The following OPCML variants were observed in gnomAD, a reference collection of about 807,000 sequenced individuals.
The protein encoded by OPCML is opioid binding protein/cell adhesion molecule like.
Under a neutral mutation model 37.8 loss-of-function variants are expected in OPCML, and 13 were observed. The observed-to-expected ratio is 0.34, with a 90% CI of 0.22 to 0.55. OPCML has a LOEUF of 0.55. Among genes scored for constraint, OPCML ranks in the 20% least tolerant of loss-of-function variants. The pLI is 0.91. For missense variants in OPCML, 341 were observed against 435.6 expected, an observed-to-expected ratio of 0.78 and a Z score of 1.93; for synonymous variants, 176 against 168.8, an observed-to-expected ratio of 1.04 and a Z score of -0.33.
chr11:133,430,650 A>G (rs1430044382), intron 1 of OPCML, among the ~76,000 whole-genome samples: 5 of 152,222 alleles, frequency 3.3e-5, no homozygotes, highest in Non-Finnish European at 7.3e-5. Flanking sequence ...ATTATACAAT[A>G]CTACCGTCCA....
At chr11:133,229,608 G>A (rs1056005514) in intron 1 of OPCML, among the ~76,000 whole-genome samples, 10 of 151,914 alleles carry the variant, frequency 6.6e-5, no homozygotes, top group African/African-American at 2.2e-4. Context: ...AAAAAAAATT[G>A]TATGCTGAGG....
At chr11:132,504,814 G>T (rs1167860500) in intron 4 of OPCML, among the ~76,000 whole-genome samples, 1 of 152,102 alleles carries the variant, frequency 6.6e-6, no homozygotes, top group Non-Finnish European at 1.5e-5. Context: ...ATGCAGACCA[G>T]CACTGATGCA....
chr11:133,166,240 A>G (rs1203055167), intron 1 of OPCML, among the ~76,000 whole-genome samples: 1 of 152,218 alleles, frequency 6.6e-6, no homozygotes, highest in Non-Finnish European at 1.5e-5. Flanking sequence ...ATAAATTCTT[A>G]ATAGTAACTA....
chr11:133,520,006 A>G (rs1020108960), intron 1 of OPCML, among the ~76,000 whole-genome samples: 2 of 152,208 alleles, frequency 1.3e-5, no homozygotes, highest in African/African-American at 4.8e-5. Context: ...AGTGAGGCTC[A>G]GAGACCTTTA....
At chr11:133,156,937 A>AC (rs1296425089) in intron 1 of OPCML, among the ~76,000 whole-genome samples, 2 of 151,580 alleles carry the variant, frequency 1.3e-5, no homozygotes, top group East Asian at 1.9e-4. Context: ...TGCCTCTCAA[A>AC]CCCCCTCAGC....
intron 2 of OPCML, among the ~76,000 whole-genome samples, chr11:132,775,982 A>C (rs1358220281): frequency 6.6e-6 from 1 of 152,166 alleles, no homozygotes; most frequent in Non-Finnish European, 1.5e-5. Flanking sequence ...CCCAGGCTGG[A>C]GTGCAGTGGT....
chr11:132,980,657 C>G (rs1361353826), intron 1 of OPCML, among the ~76,000 whole-genome samples: 1 of 152,104 alleles, frequency 6.6e-6, no homozygotes, highest in South Asian at 2.1e-4. Context: ...CAAGGATGTA[C>G]GTTTCCATCT....
intron 2 of OPCML, among the ~76,000 whole-genome samples, chr11:132,871,784 G>A (rs1487235012): frequency 5.9e-5 from 9 of 152,228 alleles, no homozygotes; most frequent in Non-Finnish European, 1.0e-4. Context: ...CAGCTTTGCA[G>A]AATATTCCAG....
intron 3 of OPCML, among the ~76,000 whole-genome samples, chr11:132,604,405 T>G (rs74417371): frequency 0.081 from 12,249 of 152,078 alleles, 945 homozygotes; most frequent in African/African-American, 0.19. Flanking sequence ...CAGTGTGGAG[T>G]TCTTCCTTCT....
At chr11:132,923,833 G>A (rs936496976) in intron 2 of OPCML, among the ~76,000 whole-genome samples, 3 of 135,036 alleles carry the variant, frequency 2.2e-5, no homozygotes, top group Non-Finnish European at 4.6e-5. Context: ...GAGCAATATC[G>A]GCTCACCGCA....
intron 2 of OPCML, among the ~76,000 whole-genome samples, chr11:132,807,987 T>C (rs1939112651): frequency 2.0e-5 from 3 of 152,204 alleles, no homozygotes. Context: ...TAAATGTAGA[T>C]CTTTCTTTCT....
chr11:132,810,845 C>CT, intron 2 of OPCML: 1 of 152,158 alleles, frequency 6.6e-6, no homozygotes, highest in East Asian at 1.9e-4. Flanking sequence ...AGGGCTGAGT[C>CT]TTTATACCGC....
At chr11:132,884,261 G>A (rs752271759) in intron 2 of OPCML, among the ~76,000 whole-genome samples, 7 of 152,144 alleles carry the variant, frequency 4.6e-5, no homozygotes, top group Non-Finnish European at 1.0e-4. Context: ...ACAGGACAGG[G>A]GCTTCCTGAA....
chr11:133,140,513 AAATAATAATAAT>A (rs377272496), intron 1 of OPCML, among the ~76,000 whole-genome samples: 1 of 95,908 alleles, frequency 1.0e-5, no homozygotes. Flanking sequence ...CTCTGTCTCA[AAATAATAATAAT>A]AATAATAAGA....
At chr11:132,426,893 T>C (rs991714588) in intron 7 of OPCML, among the ~76,000 whole-genome samples, 2 of 152,166 alleles carry the variant, frequency 1.3e-5, no homozygotes, top group African/African-American at 2.4e-5. Flanking sequence ...GTGGCAGGTG[T>C]TGACAATCAC....
intron 4 of OPCML, among the ~76,000 whole-genome samples, chr11:132,441,354 G>T (rs1384668546): frequency 1.3e-5 from 2 of 151,002 alleles, no homozygotes; most frequent in Non-Finnish European, 3.0e-5. Flanking sequence ...ATTTTTAGTA[G>T]AGACGGGGTT....
intron 1 of OPCML, among the ~76,000 whole-genome samples, chr11:133,273,471 C>T (rs548128325): frequency 2.0e-5 from 3 of 152,330 alleles, no homozygotes; most frequent in South Asian, 4.1e-4. Flanking sequence ...CCCACCATCT[C>T]ATTAAGCCTC....
chr11:133,109,026 C>T lies in OPCML; in HGVS notation c.62-166016G>A, dbSNP rs908323500. On this transcript the variant is annotated intron_variant, in intron 1 of 7. Transcript: ENST00000524381. ...GTTTACCTGTTTTGCTCTCTAGGTCCACTCTTAATGTCTTTACTGGGTTTC... is the reference window on the plus strand; with the variant it reads ...GTTTACCTGTTTTGCTCTCTAGGTCTACTCTTAATGTCTTTACTGGGTTTC... Among the ~76,000 whole-genome samples, 4 of 152,124 alleles carry T rather than the reference C, an allele frequency of 2.6e-5. No individual in the cohort carries two copies. In the South Asian group the frequency reaches 6.2e-4, roughly 24 times the overall value.
chr11:132,482,077 A>C (rs1241476568), intron 4 of OPCML, among the ~76,000 whole-genome samples: 14 of 149,976 alleles, frequency 9.3e-5, no homozygotes, highest in Non-Finnish European at 1.9e-4. Context: ...ATCAGAGCAG[A>C]ACTGAAGGAA....
Sources: allele counts gnomAD v4.1 joint callset (sites outside exome capture counted in the v4.1 genomes callset), GRCh38; gene constraint gnomAD v4.1.1; transcripts MANE v1.5; gene names NCBI Gene and HGNC (gene_info 2026-07-23, HGNC 2026-07-21).